AKAP6: variants seen among roughly 807,000 people sequenced by gnomAD.
AKAP6 encodes A-kinase anchor protein 6.
AKAP6 carries 58 observed loss-of-function variants against 188.5 expected under a neutral mutation model. The ratio of observed to expected loss-of-function variants is 0.31; its 90% CI spans 0.25 to 0.38. AKAP6 has a LOEUF of 0.38. Ranked by LOEUF, AKAP6 falls within the 10% of genes least tolerant of loss-of-function variation. The pLI is 1.00. For missense variants in AKAP6, 2,710 were observed against 2,740.0 expected, an observed-to-expected ratio of 0.99 and a Z score of 0.24; for synonymous variants, 989 against 998.6, an observed-to-expected ratio of 0.99 and a Z score of 0.18.
intron 2 of AKAP6, among the ~76,000 whole-genome samples, chr14:32,500,154 A>T (rs1880535256): frequency 6.6e-6 from 1 of 152,178 alleles, no homozygotes; most frequent in African/African-American, 2.4e-5. Flanking sequence ...AGGGAAGGAA[A>T]ACTCACTTAA....
At chr14:32,731,237 T>A (rs1272115891) in intron 9 of AKAP6, among the ~76,000 whole-genome samples, 1 of 152,146 alleles carries the variant, frequency 6.6e-6, no homozygotes, top group Non-Finnish European at 1.5e-5. Flanking sequence ...TATGCAAACA[T>A]ATGCACGCAA....
intron 7 of AKAP6, among the ~76,000 whole-genome samples, chr14:32,676,658 C>T (rs1229923322): frequency 6.6e-6 from 1 of 152,180 alleles, no homozygotes; most frequent in African/African-American, 2.4e-5. Flanking sequence ...CATGAACCAA[C>T]AAATAGATTG....
At chr14:32,372,474 CA>C (rs1437387421) in intron 1 of AKAP6, among the ~76,000 whole-genome samples, 2 of 151,770 alleles carry the variant, frequency 1.3e-5, no homozygotes, top group African/African-American at 2.4e-5. Context: ...TCATCCAAAT[CA>C]AATGGCCATA....
At chr14:32,366,252 C>T (rs1594545276) in intron 1 of AKAP6, among the ~76,000 whole-genome samples, 1 of 152,224 alleles carries the variant, frequency 6.6e-6, no homozygotes, top group Non-Finnish European at 1.5e-5. Flanking sequence ...GACCTGATGC[C>T]TGATAGCCAG....
intron 7 of AKAP6, among the ~76,000 whole-genome samples, chr14:32,658,644 T>C (rs1039152733): frequency 6.6e-6 from 1 of 151,952 alleles, no homozygotes; most frequent in African/African-American, 2.4e-5. Flanking sequence ...CAATTAAGGC[T>C]GAAACTTTTG....
intron 7 of AKAP6, among the ~76,000 whole-genome samples, chr14:32,647,197 A>G (rs1389032874): frequency 6.6e-6 from 1 of 152,124 alleles, no homozygotes; most frequent in Non-Finnish European, 1.5e-5. Context: ...ACAATTTCCA[A>G]GTATATATTA....
intron 2 of AKAP6, among the ~76,000 whole-genome samples, chr14:32,481,688 G>A (rs1485404677): frequency 6.6e-6 from 1 of 152,140 alleles, no homozygotes; most frequent in African/African-American, 2.4e-5. Flanking sequence ...GGGATTATGG[G>A]AGCTACAATT....
intron 11 of AKAP6, among the ~76,000 whole-genome samples, chr14:32,752,203 G>A (rs545151063): frequency 3.3e-4 from 50 of 152,234 alleles, no homozygotes; most frequent in African/African-American, 1.1e-3. Context: ...CCATATGTGC[G>A]GAATAGCAAA....
At chr14:32,666,959 C>T (rs1357808829) in intron 7 of AKAP6, among the ~76,000 whole-genome samples, 2 of 151,892 alleles carry the variant, frequency 1.3e-5, no homozygotes, top group African/African-American at 4.8e-5. Context: ...GTCTATAGTG[C>T]ATTTTCTTTT....
intron 12 of AKAP6, among the ~76,000 whole-genome samples, chr14:32,802,042 C>A (rs1012510519): frequency 6.6e-6 from 1 of 152,168 alleles, no homozygotes; most frequent in Non-Finnish European, 1.5e-5. Flanking sequence ...TTTTGAAATA[C>A]TCTCAACCAT....
chr14:32,376,563 T>A lies in AKAP6; in HGVS notation c.-35+47155T>A, dbSNP rs369919318. On this transcript the variant is annotated intron_variant, in intron 1 of 13. Coordinates refer to ENST00000280979, the MANE Select transcript of AKAP6 (RefSeq NM_004274.5). ...CAAAATGGATAAAACACAGAGAAAA[T>A]TAATACTTATTCTTTTAAATAAAAC... Among the ~76,000 whole-genome samples the A allele has an allele frequency of 3.5e-4, 53 of 152,272 alleles. No individual in the cohort carries two copies. The East Asian group carries it at 8.9e-3, about 25-fold the overall frequency.
intron 4 of AKAP6, 127 bp downstream of exon 4, chr14:32,547,126 G>A: frequency 2.1e-6 from 2 of 960,876 alleles, no homozygotes; most frequent in Non-Finnish European, 3.0e-6. Context: ...ATTCTCCAAA[G>A]AAAGAAAAGA....
intron 7 of AKAP6, among the ~76,000 whole-genome samples, chr14:32,654,889 C>G (rs1888392462): frequency 6.6e-6 from 1 of 151,622 alleles, no homozygotes; most frequent in Non-Finnish European, 1.5e-5. Flanking sequence ...GCTATTTTTA[C>G]ACAATATATA....
chr14:32,457,018 C>T (rs1891167694), intron 2 of AKAP6, among the ~76,000 whole-genome samples: 2 of 152,044 alleles, frequency 1.3e-5, no homozygotes, highest in Non-Finnish European at 1.5e-5. Context: ...TTTTTTATTG[C>T]CCTCTGTCTG....
At chr14:32,547,783 G>A (rs1883264859) in intron 4 of AKAP6, among the ~76,000 whole-genome samples, 1 of 151,762 alleles carries the variant, frequency 6.6e-6, no homozygotes, top group African/African-American at 2.4e-5. Flanking sequence ...GGTTGAGGCT[G>A]CAGTGAGTTG....
chr14:32,786,949 G>A (rs1053531123), intron 12 of AKAP6, among the ~76,000 whole-genome samples: 7 of 151,952 alleles, frequency 4.6e-5, no homozygotes, highest in African/African-American at 1.5e-4. Flanking sequence ...ACAGAACATC[G>A]TGTCTAGAGA....
intron 2 of AKAP6, among the ~76,000 whole-genome samples, chr14:32,502,644 G>T (rs916420669): frequency 6.6e-6 from 1 of 152,050 alleles, no homozygotes; most frequent in Admixed American, 6.6e-5. Context: ...TCTAGAATTT[G>T]TATATGCATT....
intron 1 of AKAP6, among the ~76,000 whole-genome samples, chr14:32,338,883 C>G (rs1013867400): frequency 1.3e-5 from 2 of 152,086 alleles, no homozygotes; most frequent in African/African-American, 4.8e-5. Flanking sequence ...AAGATTATTA[C>G]TCTCTCAAGA....
rs951732968 is a variant in AKAP6 at position 32,594,670 on chromosome 14, C to T, written c.2470-4740C>T. 2.0e-5 allele frequency among the ~76,000 whole-genome samples: 3 copies of T among 152,142 alleles called. No individual in the cohort carries two copies. The East Asian group carries it at 5.8e-4, about 29-fold the overall frequency. ...GTTCTGGGCACAGCTCAGAGTGGAG[C>T]CTGGGCAGAGATGGCCTGAGGCAGA... On this transcript the variant is annotated intron_variant, in intron 5 of 13. Coordinates refer to ENST00000280979, the MANE Select transcript of AKAP6 (RefSeq NM_004274.5).
Sources: gnomAD v4.1 joint callset for allele counts (sites outside exome capture counted in the v4.1 genomes callset) on GRCh38, gnomAD v4.1.1 for gene constraint, MANE v1.5 for transcripts, NCBI Gene and HGNC (gene_info 2026-07-23, HGNC 2026-07-21) for gene names.